HERC3: variants seen among roughly 807,000 people sequenced by gnomAD.
HERC3 encodes the protein HECT and RLD domain containing E3 ubiquitin protein ligase 3, also known as probable E3 ubiquitin-protein ligase HERC3.
HERC3 carries 58 observed loss-of-function variants against 129.9 expected under a neutral mutation model. The ratio of observed to expected loss-of-function variants is 0.45; its 90% CI spans 0.36 to 0.56. The LOEUF (loss-of-function observed/expected upper bound fraction) is 0.56, where lower values mean the gene tolerates loss of function less well. Ranked by LOEUF, HERC3 falls within the 20% of genes least tolerant of loss-of-function variation. HERC3 has a pLI of 0.00. For missense variants in HERC3, 835 were observed against 1,244.2 expected, an observed-to-expected ratio of 0.67 and a Z score of 4.95; for synonymous variants, 430 against 451.0, an observed-to-expected ratio of 0.95 and a Z score of 0.59.
chr4:88,658,540 C>A (rs750260693), intron 10 of HERC3, 49 bp downstream of exon 10: 1 of 929,500 alleles, frequency 1.1e-6, no homozygotes. Flanking sequence ...TAATAGTGAA[C>A]CAACATTTCT....
At chr4:88,608,429 C>T (rs1401066859) in intron 3 of HERC3, among the ~76,000 whole-genome samples, 1 of 152,174 alleles carries the variant, frequency 6.6e-6, no homozygotes, top group Non-Finnish European at 1.5e-5. Context: ...GTAGAGTCAT[C>T]TACAGATGAA....
the HERC3 span, among the ~76,000 whole-genome samples, chr4:88,575,533 G>A: frequency 2.6e-5 from 4 of 152,296 alleles, no homozygotes; most frequent in African/African-American, 9.6e-5. Flanking sequence ...GAATTTAAGA[G>A]CTTCAGCAAT....
chr4:88,596,698 C>T (rs1171995595), intron 2 of HERC3, among the ~76,000 whole-genome samples: 2 of 152,200 alleles, frequency 1.3e-5, no homozygotes, highest in Non-Finnish European at 2.9e-5. Flanking sequence ...TAATGCATGT[C>T]ATATATGTTA....
rs114879419 is a variant in HERC3, at chr4:88,607,825, T to G, written c.226+1776T>G. On this transcript the variant is annotated intron_variant, in intron 3 of 25. Transcript: ENST00000402738. ...CTTTCAGTATATGTGTAGCATGGAT[T>G]TATAAGGTCCTCTTAGTAGTGAGGA... Among the ~76,000 whole-genome samples the G allele has an allele frequency of 4.1e-3, 619 of 152,324 alleles. 6 individuals are homozygous for G. Among genetic ancestry groups the G allele is most frequent in the African/African-American group, 0.014 (583 of 41,566 alleles).
At position 88,669,871 on chromosome 4, in the gene HERC3, T is replaced by G. The variant is rs769099668; in HGVS notation, c.1645T>G (p.Ser549Ala). 2.5e-6 allele frequency: 4 copies of G among 1,612,928 alleles called. No individual in the cohort carries two copies. In the South Asian group the frequency reaches 4.4e-5, roughly 18 times the overall value. The change falls in exon 15 of 26, where the codon TCT (serine) becomes GCT (alanine). Residue 549 changes from serine to alanine, a missense_variant. Ser to Ala is a moderately conservative substitution (Grantham distance 99). Coordinates refer to ENST00000402738, the MANE Select transcript of HERC3 (RefSeq NM_014606.3). ...NPSKVLDNWW[S>A]QVCPKYFMKL... ...CTTTCTTTCTAAAGATAACTGGTGGTCTCAGGTATGCCCGAAATATTTCAT... is the reference window on the plus strand; with the variant it reads ...CTTTCTTTCTAAAGATAACTGGTGGGCTCAGGTATGCCCGAAATATTTCAT...
chr4:88,615,142 G>A (rs114178546), intron 3 of HERC3, among the ~76,000 whole-genome samples: 2,561 of 152,238 alleles, frequency 0.017, 60 homozygotes, highest in African/African-American at 0.058. Context: ...GATGTTCAGC[G>A]ATTTTTGTAA....
chr4:88,625,874 A>T (rs946376290), intron 3 of HERC3, among the ~76,000 whole-genome samples: 2 of 152,066 alleles, frequency 1.3e-5, no homozygotes, highest in African/African-American at 4.8e-5. Flanking sequence ...GATTTTTTTC[A>T]AATGTTATTT....
At chr4:88,609,180 G>T (rs1043572115) in intron 3 of HERC3, among the ~76,000 whole-genome samples, 1 of 151,928 alleles carries the variant, frequency 6.6e-6, no homozygotes, top group Non-Finnish European at 1.5e-5. Context: ...CTACTTGGGA[G>T]GTTGAGGTTG....
chr4:88,662,572 C>T lies in HERC3; in HGVS notation c.1271+17C>T. 1.9e-6 allele frequency: 3 copies of T among 1,590,264 alleles called. No homozygotes were observed. Among genetic ancestry groups the T allele is most frequent in the Non-Finnish European group, 1.7e-6 (2 of 1,173,148 alleles). On this transcript the variant is annotated intron_variant, in intron 11 of 25. Coordinates refer to ENST00000402738, the MANE Select transcript of HERC3 (RefSeq NM_014606.3). ...TACAATCAAGTATGTGGCTGCTTGT[C>T]TTCATTTTTTTTTCCACAAAGTATG... is the stretch of plus-strand genomic sequence containing the variant.
At chr4:88,625,546 C>G (rs1401554459) in intron 3 of HERC3, among the ~76,000 whole-genome samples, 2 of 152,068 alleles carry the variant, frequency 1.3e-5, no homozygotes, top group Admixed American at 1.3e-4. Context: ...GTTAAACTCT[C>G]TTATTAGCTC....
At chr4:88,565,535 A>G in the HERC3 span, among the ~76,000 whole-genome samples, 2 of 152,076 alleles carry the variant, frequency 1.3e-5, no homozygotes. Context: ...TTTGTCTGAT[A>G]TAAGTATAGC....
chr4:88,562,351 T>G, the HERC3 span, among the ~76,000 whole-genome samples: 3 of 152,238 alleles, frequency 2.0e-5, no homozygotes, highest in Non-Finnish European at 4.4e-5. Context: ...ATTATTGGAT[T>G]ATTTTTTTCC....
the HERC3 span, among the ~76,000 whole-genome samples, chr4:88,546,249 C>T: frequency 3.0e-4 from 46 of 152,236 alleles, no homozygotes; most frequent in Non-Finnish European, 5.9e-4. Context: ...AGAAGTTGCA[C>T]CAGCTAGGAT....
At chr4:88,575,465 A>C in the HERC3 span, among the ~76,000 whole-genome samples, 1 of 152,192 alleles carries the variant, frequency 6.6e-6, no homozygotes, top group African/African-American at 2.4e-5. Context: ...CCCATCTAAA[A>C]TAGAAGTCAG....
chr4:88,586,519 C>T, the HERC3 span, among the ~76,000 whole-genome samples: 2 of 151,904 alleles, frequency 1.3e-5, no homozygotes, highest in African/African-American at 2.4e-5. Context: ...CCACCATGCC[C>T]GGCTAATTTT....
intron 14 of HERC3, 28 bp downstream of exon 14, chr4:88,668,109 G>T: frequency 6.4e-7 from 1 of 1,569,092 alleles, no homozygotes; most frequent in Non-Finnish European, 8.7e-7. Context: ...GATATCAGTG[G>T]TTTTATGGTC....
chr4:88,563,937 C>T, the HERC3 span, among the ~76,000 whole-genome samples: 30 of 152,120 alleles, frequency 2.0e-4, no homozygotes, highest in African/African-American at 5.8e-4. Flanking sequence ...GGATTACAGG[C>T]GTGAGCCACC....
intron 3 of HERC3, among the ~76,000 whole-genome samples, chr4:88,644,048 A>G (rs1728432222): frequency 6.6e-6 from 1 of 152,210 alleles, no homozygotes; most frequent in African/African-American, 2.4e-5. Flanking sequence ...ATCTTTAGCC[A>G]CTAGAGAAAT....
the HERC3 span, among the ~76,000 whole-genome samples, chr4:88,550,306 A>T: frequency 6.6e-6 from 1 of 152,228 alleles, no homozygotes; most frequent in Non-Finnish European, 1.5e-5. Context: ...GGAGAAGGAA[A>T]TAAAGGGTAT....
Sources: gnomAD v4.1 joint callset for allele counts (sites outside exome capture counted in the v4.1 genomes callset) on GRCh38, gnomAD v4.1.1 for gene constraint, MANE v1.5 for transcripts, NCBI Gene and HGNC (gene_info 2026-07-23, HGNC 2026-07-21) for gene names.